The following DAB1 variants were observed in gnomAD, a reference collection of about 807,000 sequenced individuals.
DAB1 encodes disabled homolog 1.
Under a neutral mutation model 64.6 loss-of-function variants are expected in DAB1, and 15 were observed. The observed-to-expected ratio is 0.23, with a 90% confidence interval of 0.16 to 0.36. DAB1 has a LOEUF of 0.36. DAB1 is among the 10% of genes least tolerant of loss of function. DAB1 has a pLI of 1.00. For synonymous variants in DAB1, 235 were observed against 251.9 expected (o/e 0.93, Z 0.64); for missense variants, 596 against 706.7 (o/e 0.84, Z 1.78).
At chr1:57,202,807 G>C (rs981958767) in intron 2 of DAB1, among the ~76,000 whole-genome samples, 2 of 152,100 alleles carry the variant, frequency 1.3e-5, no homozygotes, top group African/African-American at 4.8e-5. Context: ...AAGTTCAGAG[G>C]AGTCCTGTTG....
At chr1:58,505,054 G>A (rs1301079077) in intron 3 of DAB1, among the ~76,000 whole-genome samples, 1 of 152,056 alleles carries the variant, frequency 6.6e-6, no homozygotes, top group East Asian at 1.9e-4. Context: ...CAGGGTTCAA[G>A]CGATTCCCCT....
intron 6 of DAB1, among the ~76,000 whole-genome samples, chr1:57,704,862 T>C (rs541597078): frequency 5.5e-4 from 54 of 97,380 alleles, no homozygotes; most frequent in African/African-American, 1.9e-3. Context: ...ATGCCCTTGC[T>C]CTTTGGGAAA....
intron 5 of DAB1, chr1:58,048,624 C>G: frequency 8.9e-7 from 1 of 1,121,242 alleles, no homozygotes; most frequent in Non-Finnish European, 1.3e-6. Flanking sequence ...CCACCATGAC[C>G]ACTAAAGTTT....
intron 6 of DAB1, among the ~76,000 whole-genome samples, chr1:57,695,408 GAA>G (rs1222953959): frequency 8.7e-6 from 1 of 115,360 alleles, no homozygotes; most frequent in African/African-American, 3.4e-5. Context: ...AAGAAAGAAA[GAA>G]AGAAAGAAAG....
chr1:57,098,329 T>C (rs1654360707), intron 4 of DAB1, among the ~76,000 whole-genome samples: 1 of 152,220 alleles, frequency 6.6e-6, no homozygotes, highest in Admixed American at 6.5e-5. Flanking sequence ...ATATTATAAT[T>C]CTAATTTTAC....
At chr1:57,507,738 A>G (rs1055472913) in intron 7 of DAB1, among the ~76,000 whole-genome samples, 1 of 152,212 alleles carries the variant, frequency 6.6e-6, no homozygotes, top group African/African-American at 2.4e-5. Context: ...CGCATTTACA[A>G]ATGACCTCAT....
intron 6 of DAB1, among the ~76,000 whole-genome samples, chr1:57,731,519 G>A (rs1305311945): frequency 6.6e-6 from 1 of 152,116 alleles, no homozygotes; most frequent in Admixed American, 6.5e-5. Flanking sequence ...TTAATAATTA[G>A]GCCAGATGCA....
chr1:58,371,841 T>C (rs1281787091), intron 3 of DAB1, among the ~76,000 whole-genome samples: 1 of 152,202 alleles, frequency 6.6e-6, no homozygotes, highest in East Asian at 1.9e-4. Flanking sequence ...TTCCACATGT[T>C]GTTGGGCCTG....
At chr1:58,526,336 T>A (rs1196817245) in intron 2 of DAB1, among the ~76,000 whole-genome samples, 1 of 152,108 alleles carries the variant, frequency 6.6e-6, no homozygotes, top group Non-Finnish European at 1.5e-5. Context: ...ATAAAACTTA[T>A]GAGAGGTTCA....
At chr1:57,304,086 A>G (rs1206938247) in intron 1 of DAB1, among the ~76,000 whole-genome samples, 1 of 152,160 alleles carries the variant, frequency 6.6e-6, no homozygotes, top group Non-Finnish European at 1.5e-5. Context: ...GGTAATTTAT[A>G]AGAAAAGAGG....
intron 5 of DAB1, among the ~76,000 whole-genome samples, chr1:57,947,189 G>T (rs1645196994): frequency 6.6e-6 from 1 of 152,054 alleles, no homozygotes; most frequent in Admixed American, 6.6e-5. Flanking sequence ...GGTAGAGCAG[G>T]GACTGGAGTC....
intron 1 of DAB1, among the ~76,000 whole-genome samples, chr1:57,366,625 AG>A (rs745603816): frequency 6.6e-6 from 1 of 152,254 alleles, no homozygotes; most frequent in Admixed American, 6.5e-5. Context: ...ATATGTTAAA[AG>A]CTTATCATAT....
intron 7 of DAB1, among the ~76,000 whole-genome samples, chr1:57,543,345 T>C (rs1644823755): frequency 6.6e-6 from 1 of 152,190 alleles, no homozygotes; most frequent in Non-Finnish European, 1.5e-5. Context: ...CCCTATGTCA[T>C]GCTGTTTCTG....
At chr1:57,526,390 T>C (rs1022226395) in intron 7 of DAB1, among the ~76,000 whole-genome samples, 1 of 152,218 alleles carries the variant, frequency 6.6e-6, no homozygotes, top group East Asian at 1.9e-4. Flanking sequence ...GGCTGAAATA[T>C]CTGAGAGGGC....
chr1:57,843,999 A>G (rs1163938256), intron 1 of DAB1, among the ~76,000 whole-genome samples: 3 of 152,182 alleles, frequency 2.0e-5, no homozygotes, highest in African/African-American at 4.8e-5. Context: ...TCCAGCCACA[A>G]TTACTTTCTG....
At chr1:57,120,007 T>C (rs1372923516) in intron 4 of DAB1, among the ~76,000 whole-genome samples, 1 of 152,178 alleles carries the variant, frequency 6.6e-6, no homozygotes, top group Non-Finnish European at 1.5e-5. Context: ...CCTAAAATCA[T>C]TTTTATTGTC....
At chr1:57,876,109 T>A (rs1192286413) in intron 1 of DAB1, 1 of 152,182 alleles carries the variant, frequency 6.6e-6, no homozygotes, top group African/African-American at 2.4e-5. Context: ...TTGCTCTTTT[T>A]TGTTAGAAGT....
At chr1:58,299,540 C>T (rs1172037244) in intron 4 of DAB1, among the ~76,000 whole-genome samples, 2 of 152,274 alleles carry the variant, frequency 1.3e-5, no homozygotes, top group African/African-American at 4.8e-5. Context: ...ACACATAATG[C>T]ATAAATAAAC....
intron 4 of DAB1, among the ~76,000 whole-genome samples, chr1:58,216,105 C>T (rs995304787): frequency 3.9e-5 from 6 of 152,040 alleles, no homozygotes; most frequent in African/African-American, 7.2e-5. Context: ...TAGGTATACA[C>T]GTGCCATGGT....
Sources: allele counts gnomAD v4.1 joint callset (sites outside exome capture counted in the v4.1 genomes callset), GRCh38; gene constraint gnomAD v4.1.1; transcripts MANE v1.5; gene names NCBI Gene and HGNC (gene_info 2026-07-23, HGNC 2026-07-21).